COMMD9: variants seen among roughly 807,000 people sequenced by gnomAD.
COMMD9 encodes the protein COMM domain-containing protein 9.
COMMD9 carries 22 observed loss-of-function variants against 23.4 expected under a neutral mutation model. The observed-to-expected ratio is 0.94, with a 90% CI of 0.67 to 1.34. COMMD9 has a LOEUF of 1.34. Ranked by LOEUF, COMMD9 falls within the 40% of genes most tolerant of loss-of-function variation. The pLI, the probability that COMMD9 is intolerant of heterozygous loss-of-function variation, is 0.00. For missense variants in COMMD9, 231 were observed against 240.2 expected, an observed-to-expected ratio of 0.96 and a Z score of 0.25; for synonymous variants, 99 against 97.4, an observed-to-expected ratio of 1.02 and a Z score of -0.10.
chr11:36,280,715 C>T lies in COMMD9; in HGVS notation c.174G>A (p.Glu58=). The T allele has an allele frequency of 6.3e-7, 1 of 1,598,248 alleles. No individual in the cohort carries two copies. The highest frequency in any genetic ancestry group is 8.5e-7 in the Non-Finnish European group (1 of 1,172,018). ...SSLSVTQEEA[E]ELLQALHRLT... ...GATCATTTCTGACCACACTTACTTC[C>T]TCTGCCTCCTCCTGGGTCACAGACA... The change falls in exon 2 of 6, where the codon GAG becomes GAA. Residue 58 remains glutamate, a synonymous_variant. Transcript: ENST00000263401.
intron 1 of COMMD9, among the ~76,000 whole-genome samples, chr11:36,283,490 T>C (rs1018369793): frequency 6.6e-6 from 1 of 152,190 alleles, no homozygotes; most frequent in Admixed American, 6.5e-5. Context: ...GGTAAAATGA[T>C]GACACCAATA....
Position 36,274,749 on chromosome 11 carries a change from G to A in COMMD9, c.480C>T (p.Cys160=), listed in dbSNP as rs765957663. The A allele has an allele frequency of 8.1e-6, 13 of 1,614,246 alleles. No homozygotes were observed. Among genetic ancestry groups the A allele is most frequent in the South Asian group, 4.4e-5 (4 of 91,088 alleles). The part of the protein sequence containing the change: ...QMKIQEDPSL[C]GDKPSISAVT... ...CAGCTGAGATGGAGGGTTTGTCTCCGCATAGGCTGGGATCTTCTTGGATCT... is the reference window on the plus strand; with the variant it reads ...CAGCTGAGATGGAGGGTTTGTCTCCACATAGGCTGGGATCTTCTTGGATCT... Residue 160 remains cysteine, a synonymous_variant, in exon 6 of 6, where the codon TGC becomes TGT. Coordinates refer to ENST00000263401, the MANE Select transcript of COMMD9 (RefSeq NM_014186.4).
intron 2 of COMMD9, 62 bp from the exon 3 acceptor site, chr11:36,278,678 AG>A: frequency 1.3e-6 from 2 of 1,569,442 alleles, no homozygotes; most frequent in Non-Finnish European, 1.7e-6. Context: ...GGCACAAGGC[AG>A]GGCCAGGGGC....
At position 36,289,307 on chromosome 11, in the gene COMMD9, C is replaced by A. The variant is rs80169046; in HGVS notation, c.51+55G>T. On this transcript the variant is annotated intron_variant, in intron 1 of 5. Coordinates refer to ENST00000263401, the MANE Select transcript of COMMD9 (RefSeq NM_014186.4). ...AATTTGTTCCCAATTCCTGCTCCGT[C>A]TAAAGTCTCGGAGACAAAGGGCCAC... 1.3e-3 allele frequency: 1,931 copies of A among 1,523,206 alleles called. 28 individuals carry two copies. In the East Asian group the frequency reaches 0.033, roughly 26 times the overall value. 94.4% of individuals were successfully genotyped at this position (1,523,206 alleles called of 1,614,324 possible).
intron 1 of COMMD9, among the ~76,000 whole-genome samples, chr11:36,288,379 G>A (rs1248220916): frequency 2.0e-5 from 3 of 147,400 alleles, no homozygotes; most frequent in Admixed American, 1.4e-4. Flanking sequence ...AAAAAAGAGA[G>A]AGGAAGAAAG....
chr11:36,288,360 A>T (rs2028902), intron 1 of COMMD9, among the ~76,000 whole-genome samples: 57,406 of 115,056 alleles, frequency 0.5, 11,277 homozygotes, highest in African/African-American at 0.57. Context: ...CCTGGTGTTT[A>T]AAAAAAAAAA....
At chr11:36,277,751 A>G (rs548624463) in intron 3 of COMMD9, among the ~76,000 whole-genome samples, 1 of 152,302 alleles carries the variant, frequency 6.6e-6, no homozygotes, top group African/African-American at 2.4e-5. Flanking sequence ...TCAATTAAAC[A>G]TATGAAAAAG....
intron 3 of COMMD9, 23 bp from the exon 4 acceptor site, chr11:36,277,146 GA>G (rs1200418491): frequency 1.9e-6 from 3 of 1,567,708 alleles, no homozygotes; most frequent in African/African-American, 2.7e-5. Flanking sequence ...GAAAGATGAG[GA>G]AAAAATAATG....
At chr11:36,279,490 A>T (rs1178060600) in intron 2 of COMMD9, among the ~76,000 whole-genome samples, 1 of 152,218 alleles carries the variant, frequency 6.6e-6, no homozygotes, top group Non-Finnish European at 1.5e-5. Context: ...AAGGGAAGTT[A>T]ACCTTCCACC....
In COMMD9 at chr11:36,272,913, G is replaced by A. The variant is rs1053363145; in HGVS notation, c.*1719C>T. 5 of 152,166 alleles carry A rather than the reference G, an allele frequency of 3.3e-5. No individual in the cohort carries two copies. In the East Asian group the frequency reaches 5.8e-4, roughly 18 times the overall value. 9.4% of individuals were successfully genotyped at this position (152,166 alleles called of 1,614,324 possible). On this transcript the variant is annotated 3_prime_UTR_variant, in exon 6 of 6. Transcript: ENST00000263401. ...TGAGCTGGTTTCCTGGTCAATAAAGGGAGGATGATAATACTAATTCTCACA... is the reference window on the plus strand; with the variant it reads ...TGAGCTGGTTTCCTGGTCAATAAAGAGAGGATGATAATACTAATTCTCACA...
rs564232865 is a variant in COMMD9 at position 36,277,842 on chromosome 11, GA to G, written c.317+634del. Among the ~76,000 whole-genome samples, 400 of 152,218 alleles carry G rather than the reference GA, an allele frequency of 2.6e-3. 2 individuals carry two copies. Among genetic ancestry groups the G allele is most frequent in the African/African-American group, 9.3e-3 (388 of 41,530 alleles). The stretch of plus-strand genomic sequence containing the variant: ...CATTGTGGAACTGGGAAAAATGTAA[GA>G]AAAAAATCCCCTCAGTGAAGGCGTA... On this transcript the variant is annotated intron_variant, in intron 3 of 5. Transcript: ENST00000263401.
At position 36,273,285 on chromosome 11, in the gene COMMD9, A is replaced by G. The variant is rs1256407403; in HGVS notation, c.*1347T>C. On this transcript the variant is annotated 3_prime_UTR_variant, in exon 6 of 6. Coordinates refer to ENST00000263401, the MANE Select transcript of COMMD9 (RefSeq NM_014186.4). ...ACAAACTAGCAGAGAAGCTGCCAAA[A>G]CAAAGCACTCCAAGAGCAGGCTGCA... 1 of 152,156 alleles carries G rather than the reference A, an allele frequency of 6.6e-6. No homozygotes were observed. The highest frequency in any genetic ancestry group is 1.5e-5 in the Non-Finnish European group (1 of 68,018). The allele number at this position is 152,156 out of a possible 1,614,324, so 9.4% of individuals were successfully genotyped here.
At chr11:36,276,983 G>C in intron 4 of COMMD9, 106 bp downstream of exon 4, 1 of 955,740 alleles carries the variant, frequency 1.0e-6, no homozygotes, top group Non-Finnish European at 1.5e-6. Context: ...GTTGAGACTA[G>C]AATGGTTCAC....
chr11:36,277,451 T>C (rs1234568691), intron 3 of COMMD9, among the ~76,000 whole-genome samples: 1 of 152,238 alleles, frequency 6.6e-6, no homozygotes, highest in Non-Finnish European at 1.5e-5. Context: ...TTATCTTCTC[T>C]TTATTGAGCA....
rs1855919645 is a variant in COMMD9, at chr11:36,273,774, GCTTC to G, written c.*854_*857del. ...GTGAGCCATTGCGCCTGGCCACCTT[GCTTC>G]CTTTTGTTCTACGTAACAGGTGAAA... On this transcript the variant is annotated 3_prime_UTR_variant, in exon 6 of 6. Coordinates refer to ENST00000263401, the MANE Select transcript of COMMD9 (RefSeq NM_014186.4). 6.5e-6 allele frequency: 1 copy of G among 154,084 alleles called. No homozygotes were observed. Among genetic ancestry groups the G allele is most frequent in the African/African-American group, 2.4e-5 (1 of 41,460 alleles). The allele number at this position is 154,084 out of a possible 1,614,324, so 9.5% of individuals were successfully genotyped here. A position where few individuals can be genotyped will look rare whatever the true frequency, so the allele number is the denominator to read the frequency against.
At chr11:36,278,692 GGCTCT>G in intron 2 of COMMD9, 76 bp from the exon 3 acceptor site, 4 of 1,462,972 alleles carry the variant, frequency 2.7e-6, no homozygotes, top group Non-Finnish European at 3.7e-6. Context: ...CCAGGGGCAG[GGCTCT>G]ACACCCCGAA....
chr11:36,272,494 T>C lies in COMMD9; in HGVS notation c.*2138A>G, dbSNP rs1032630685. The C allele has an allele frequency of 6.6e-6, 1 of 152,272 alleles. No individual in the cohort carries two copies. The highest frequency in any genetic ancestry group is 1.5e-5 in the Non-Finnish European group (1 of 68,114). 9.4% of individuals were successfully genotyped at this position (152,272 alleles called of 1,614,324 possible). On this transcript the variant is annotated 3_prime_UTR_variant, in exon 6 of 6. Coordinates refer to ENST00000263401, the MANE Select transcript of COMMD9 (RefSeq NM_014186.4). Reference sequence around the variant, plus strand: ...GAGGAAGGTATCTGACATCTCTCTCTGCAGGTCATGGGGAATGGAAGGAAA... The same window carrying C: ...GAGGAAGGTATCTGACATCTCTCTCCGCAGGTCATGGGGAATGGAAGGAAA...
chr11:36,282,986 C>G (rs536788335), intron 1 of COMMD9, among the ~76,000 whole-genome samples: 1 of 152,210 alleles, frequency 6.6e-6, no homozygotes, highest in Non-Finnish European at 1.5e-5. Flanking sequence ...AACCCAGAGT[C>G]TGATGTCCAA....
At chr11:36,275,433 C>T (rs1433077011) in intron 5 of COMMD9, among the ~76,000 whole-genome samples, 4 of 147,312 alleles carry the variant, frequency 2.7e-5, no homozygotes, top group African/African-American at 4.9e-5. Context: ...ACTTCTCCAG[C>T]TGCTAGTAGA....
Sources: gnomAD v4.1 joint callset for allele counts (sites outside exome capture counted in the v4.1 genomes callset) on GRCh38, gnomAD v4.1.1 for gene constraint, MANE v1.5 for transcripts, NCBI Gene and HGNC (gene_info 2026-07-23, HGNC 2026-07-21) for gene names.